The following HERC4 variants were observed in gnomAD, a reference collection of about 807,000 sequenced individuals.
The protein encoded by HERC4 is probable E3 ubiquitin-protein ligase HERC4.
Under a neutral mutation model 124.3 loss-of-function variants are expected in HERC4, and 28 were observed. That is an observed-to-expected ratio of 0.23 (90% CI 0.17 to 0.31). The LOEUF is 0.31. Among genes scored for constraint, HERC4 ranks in the 10% least tolerant of loss-of-function variants. HERC4 has a pLI of 1.00. For synonymous variants in HERC4, 407 were observed against 421.5 expected, an observed-to-expected ratio of 0.97 and a Z score of 0.42; for missense variants, 713 against 1,229.3, an observed-to-expected ratio of 0.58 and a Z score of 6.28.
intron 13 of HERC4, 52 bp from the exon 14 acceptor site, chr10:67,990,452 C>T: frequency 2.3e-6 from 1 of 428,410 alleles, no homozygotes; most frequent in Non-Finnish European, 3.1e-6. Context: ...AATACACTTT[C>T]AAAGAAAAAA....
intron 3 of HERC4, among the ~76,000 whole-genome samples, chr10:68,065,401 A>C (rs952360424): frequency 6.6e-5 from 10 of 152,232 alleles, no homozygotes; most frequent in Non-Finnish European, 1.5e-4. Flanking sequence ...ATTTTCAAAT[A>C]ATTTGTGAAA....
intron 3 of HERC4, among the ~76,000 whole-genome samples, chr10:68,062,167 C>G (rs2041059248): frequency 6.6e-6 from 1 of 152,082 alleles, no homozygotes; most frequent in Non-Finnish European, 1.5e-5. Context: ...TGATCTTTCT[C>G]CCCACTTACA....
intron 15 of HERC4, among the ~76,000 whole-genome samples, chr10:67,981,609 C>G (rs1347592337): frequency 6.6e-6 from 1 of 152,174 alleles, no homozygotes; most frequent in African/African-American, 2.4e-5. Flanking sequence ...ACATGGATCA[C>G]TCTCAAAGAC....
At chr10:68,013,910 G>T in intron 9 of HERC4, 116 bp downstream of exon 9, 1 of 860,644 alleles carries the variant, frequency 1.2e-6, no homozygotes, top group Admixed American at 2.7e-5. Flanking sequence ...ATATTTTGCT[G>T]TTTTCACTTA....
chr10:68,055,900 G>A (rs374204040), intron 3 of HERC4, among the ~76,000 whole-genome samples: 42 of 150,774 alleles, frequency 2.8e-4, no homozygotes, highest in African/African-American at 8.8e-4. Flanking sequence ...TACAGGCACC[G>A]GCCACCATGC....
chr10:68,059,010 T>C (rs976519272), intron 3 of HERC4, among the ~76,000 whole-genome samples: 24 of 152,120 alleles, frequency 1.6e-4, no homozygotes, highest in Non-Finnish European at 1.5e-4. Flanking sequence ...GGGTTTTTTG[T>C]GTATCTATAA....
rs1314312292 is a variant in HERC4 at position 67,927,421 on chromosome 10, TATATATATA to T, written c.2839-2243_2839-2235del. On this transcript the variant is annotated intron_variant, in intron 23 of 24. Transcript: ENST00000373700. The stretch of plus-strand genomic sequence containing the variant: ...ATATATATATATATATATATATATA[TATATATATA>T]TTTTTTTTTTTTTTTAGATAGAGTC... Among the ~76,000 whole-genome samples the T allele has an allele frequency of 6.0e-3, 71 of 11,886 alleles. 3 individuals are homozygous for T. Among genetic ancestry groups the T allele is most frequent in the South Asian group, 0.011 (6 of 544 alleles). 7.8% of individuals were successfully genotyped at this position (11,886 alleles called of 152,430 possible).
chr10:68,010,736 G>A (rs1445833427), intron 9 of HERC4: 23 of 1,489,138 alleles, frequency 1.5e-5, no homozygotes, highest in Middle Eastern at 1.7e-4. Context: ...GCAGATGGTC[G>A]TTTGGCTGAA....
At chr10:67,941,139 C>A in intron 19 of HERC4, 34 bp from the exon 20 acceptor site, 3 of 1,392,100 alleles carry the variant, frequency 2.2e-6, no homozygotes, top group South Asian at 1.5e-5. Context: ...CACATGTCCT[C>A]CAAGTTAAAA....
At chr10:67,975,523 G>A (rs1191196588) in intron 15 of HERC4, among the ~76,000 whole-genome samples, 3 of 151,960 alleles carry the variant, frequency 2.0e-5, no homozygotes, top group East Asian at 3.9e-4. Flanking sequence ...CTAATTTTTT[G>A]TATTTTTGTA....
At chr10:67,974,063 A>G (rs1303879167) in intron 15 of HERC4, among the ~76,000 whole-genome samples, 2 of 135,322 alleles carry the variant, frequency 1.5e-5, no homozygotes, top group African/African-American at 5.4e-5. Flanking sequence ...AAAAAAAAAA[A>G]AAATTACTGT....
At chr10:68,004,052 T>C (rs1324617618) in intron 9 of HERC4, among the ~76,000 whole-genome samples, 7 of 152,200 alleles carry the variant, frequency 4.6e-5, no homozygotes, top group Admixed American at 3.9e-4. Context: ...TTAACCAGAG[T>C]GAGATAATAC....
chr10:67,984,195 C>T (rs147984798), intron 15 of HERC4, among the ~76,000 whole-genome samples: 9,219 of 150,270 alleles, frequency 0.061, 410 homozygotes, highest in Non-Finnish European at 0.09. Flanking sequence ...CCCAGCTACT[C>T]GGGAGGCTGA....
chr10:68,032,401 A>G (rs2039255021), intron 7 of HERC4, among the ~76,000 whole-genome samples: 1 of 152,222 alleles, frequency 6.6e-6, no homozygotes, highest in Non-Finnish European at 1.5e-5. Context: ...CCAAATGGAA[A>G]CTACATTCAA....
Position 67,933,915 on chromosome 10 carries a change from C to T in HERC4, c.2655-1135G>A, listed in dbSNP as rs139662542. ...TTAAAGTTATAAAGCATCTAAGTAG[C>T]GGAATTAGGATTATAATCCTTTGGA... is the stretch of plus-strand genomic sequence containing the variant. On this transcript the variant is annotated intron_variant, in intron 22 of 24. Transcript: ENST00000373700. 2.3e-3 allele frequency among the ~76,000 whole-genome samples: 345 copies of T among 152,152 alleles called. 1 individual carries two copies. Among genetic ancestry groups the T allele is most frequent in the Non-Finnish European group, 3.5e-3 (235 of 67,984 alleles).
Position 68,059,633 on chromosome 10 carries a change from A to AATATTATATATTATATTATATATC in HERC4, c.226+13226_226+13249dup, listed in dbSNP as rs1564608151. On this transcript the variant is annotated intron_variant, in intron 3 of 24. Transcript: ENST00000373700. ...TATATATCATAATATTATATATCAT[A>AATATTATATATTATATTATATATC]ATATTATATATTATATTATATATCA... Among the ~76,000 whole-genome samples the AATATTATATATTATATTATATATC allele has an allele frequency of 4.7e-4, 39 of 83,860 alleles. 6 individuals are homozygous for AATATTATATATTATATTATATATC. Among genetic ancestry groups the AATATTATATATTATATTATATATC allele is most frequent in the African/African-American group, 2.6e-3 (37 of 14,396 alleles). The allele number at this position is 83,860 out of a possible 152,430, so 55.0% of individuals were successfully genotyped here. A position where few individuals can be genotyped will look rare whatever the true frequency, so the allele number is the denominator to read the frequency against.
intron 22 of HERC4, among the ~76,000 whole-genome samples, chr10:67,933,037 C>T (rs988582812): frequency 6.6e-6 from 1 of 152,102 alleles, no homozygotes. Context: ...AATGTCATTT[C>T]CTAATGGGCA....
intron 15 of HERC4, among the ~76,000 whole-genome samples, chr10:67,976,843 G>A (rs2035619619): frequency 6.6e-6 from 1 of 152,198 alleles, no homozygotes; most frequent in Non-Finnish European, 1.5e-5. Context: ...TGTCCACAGA[G>A]GGAGCATTAA....
chr10:68,010,183 A>G, intron 9 of HERC4: 1 of 1,051,864 alleles, frequency 9.5e-7, no homozygotes, highest in Non-Finnish European at 1.4e-6. Flanking sequence ...CCTGTATCCC[A>G]TTCCTAGAAG....
Sources: allele counts gnomAD v4.1 joint callset (sites outside exome capture counted in the v4.1 genomes callset), GRCh38; gene constraint gnomAD v4.1.1; transcripts MANE v1.5; gene names NCBI Gene and HGNC (gene_info 2026-07-23, HGNC 2026-07-21).